Variants in CEMIP observed in about 807,000 individuals in gnomAD.
CEMIP encodes cell migration-inducing and hyaluronan-binding protein.
CEMIP carries 105 observed loss-of-function variants against 156.9 expected under a neutral mutation model. The observed-to-expected ratio is 0.67, with a 90% CI of 0.57 to 0.79. The LOEUF (loss-of-function observed/expected upper bound fraction) is 0.79, where lower values mean the gene tolerates loss of function less well. Among genes scored for constraint, CEMIP ranks in the 30% least tolerant of loss-of-function variants. CEMIP has a pLI of 0.00. For missense variants in CEMIP, 1,457 were observed against 1,769.4 expected, an observed-to-expected ratio of 0.82 and a Z score of 3.17; for synonymous variants, 676 against 668.4, an observed-to-expected ratio of 1.01 and a Z score of -0.17.
chr15:80,825,648 G>A (rs1897018895), intron 1 of CEMIP, among the ~76,000 whole-genome samples: 1 of 152,182 alleles, frequency 6.6e-6, no homozygotes, highest in Non-Finnish European at 1.5e-5. Flanking sequence ...AGCATTGGGA[G>A]GAGAACAAAA....
At chr15:80,903,875 C>T (rs1160234801) in intron 12 of CEMIP, among the ~76,000 whole-genome samples, 3 of 152,166 alleles carry the variant, frequency 2.0e-5, no homozygotes, top group Admixed American at 1.3e-4. Context: ...AGATGAGTCA[C>T]GGATGGAAGG....
intron 3 of CEMIP, among the ~76,000 whole-genome samples, chr15:80,876,593 G>T (rs768167369): frequency 6.6e-6 from 1 of 152,240 alleles, no homozygotes; most frequent in African/African-American, 2.4e-5. Context: ...CTAGAGGAGG[G>T]TTGTTATGGG....
chr15:80,826,582 T>G (rs571521907), intron 1 of CEMIP, among the ~76,000 whole-genome samples: 1 of 152,186 alleles, frequency 6.6e-6, no homozygotes, highest in Non-Finnish European at 1.5e-5. Context: ...AGCTATAGTC[T>G]CTTGGCTTTT....
intron 1 of CEMIP, among the ~76,000 whole-genome samples, chr15:80,860,522 C>T (rs113931654): frequency 5.3e-5 from 8 of 152,296 alleles, no homozygotes; most frequent in African/African-American, 1.7e-4. Flanking sequence ...ATGCTTGCTG[C>T]GGACTTTATT....
At chr15:80,948,430 G>A (rs1901659548) in intron 29 of CEMIP, 1 of 353,580 alleles carries the variant, frequency 2.8e-6, no homozygotes, top group African/African-American at 2.1e-5. Context: ...GGAACACTGG[G>A]CTTCAGAGAG....
chr15:80,833,746 G>A (rs1374835832), intron 1 of CEMIP, among the ~76,000 whole-genome samples: 1 of 147,014 alleles, frequency 6.8e-6, no homozygotes, highest in Non-Finnish European at 1.5e-5. Flanking sequence ...TCTGTTCACT[G>A]CAATCTCTGC....
chr15:80,802,993 C>T (rs1896417042), intron 1 of CEMIP, among the ~76,000 whole-genome samples: 1 of 152,172 alleles, frequency 6.6e-6, no homozygotes, highest in South Asian at 2.1e-4. Flanking sequence ...AAATATATTT[C>T]TCACAGTTCT....
At chr15:80,889,339 C>T in intron 9 of CEMIP, 132 bp from the exon 10 acceptor site, 1 of 1,265,330 alleles carries the variant, frequency 7.9e-7, no homozygotes, top group East Asian at 2.3e-5. Context: ...CCATCCATGC[C>T]CCAGCCTGGT....
intron 1 of CEMIP, among the ~76,000 whole-genome samples, chr15:80,828,400 C>G (rs569481375): frequency 1.3e-5 from 2 of 151,856 alleles, no homozygotes; most frequent in Admixed American, 1.3e-4. Context: ...AAAAAAATGC[C>G]GAATGCCACG....
intron 4 of CEMIP, among the ~76,000 whole-genome samples, chr15:80,879,267 C>G (rs1478003708): frequency 1.3e-5 from 2 of 152,202 alleles, no homozygotes; most frequent in African/African-American, 2.4e-5. Context: ...GTGAATTCAA[C>G]CAATTCGAGG....
intron 1 of CEMIP, among the ~76,000 whole-genome samples, chr15:80,822,808 A>G (rs751339886): frequency 7.2e-5 from 11 of 152,104 alleles, no homozygotes; most frequent in Non-Finnish European, 1.0e-4. Flanking sequence ...CCTCTCCCCA[A>G]CGTGGTGCCA....
chr15:80,838,970 A>AG (rs1228287824), intron 1 of CEMIP, among the ~76,000 whole-genome samples: 1 of 152,148 alleles, frequency 6.6e-6, no homozygotes, highest in East Asian at 1.9e-4. Flanking sequence ...CTGAGGTATT[A>AG]GGGGGTTTAA....
chr15:80,841,936 G>T, intron 1 of CEMIP: 1 of 264,910 alleles, frequency 3.8e-6, no homozygotes. Flanking sequence ...AATTCCTGGC[G>T]GGGATTACAT....
intron 1 of CEMIP, among the ~76,000 whole-genome samples, chr15:80,851,122 G>T (rs1897706240): frequency 6.6e-6 from 1 of 152,100 alleles, no homozygotes; most frequent in Non-Finnish European, 1.5e-5. Context: ...CCAGGGTGGT[G>T]CTAGCCCTCA....
At chr15:80,888,109 T>C (rs1478445247) in intron 8 of CEMIP, among the ~76,000 whole-genome samples, 1 of 152,070 alleles carries the variant, frequency 6.6e-6, no homozygotes, top group East Asian at 1.9e-4. Context: ...ACGCTTGTAA[T>C]CCCAGCATTT....
At chr15:80,945,913 C>CCAAGT (rs1190805676) in intron 28 of CEMIP, among the ~76,000 whole-genome samples, 2 of 152,200 alleles carry the variant, frequency 1.3e-5, no homozygotes, top group Non-Finnish European at 2.9e-5. Flanking sequence ...CTCCTTATTC[C>CCAAGT]CAAGTCGAAC....
intron 6 of CEMIP, 35 bp from the exon 7 acceptor site, chr15:80,884,140 A>G: frequency 6.2e-7 from 1 of 1,611,628 alleles, no homozygotes; most frequent in East Asian, 2.2e-5. Flanking sequence ...GCTGCGGTCA[A>G]GACTATTCAG....
At chr15:80,798,117 G>A (rs1896278797) in intron 1 of CEMIP, among the ~76,000 whole-genome samples, 1 of 152,078 alleles carries the variant, frequency 6.6e-6, no homozygotes, top group Admixed American at 6.6e-5. Flanking sequence ...ATATAACCGT[G>A]TATTTCCTTA....
At chr15:80,840,141 C>T (rs564700488) in intron 1 of CEMIP, among the ~76,000 whole-genome samples, 7 of 152,132 alleles carry the variant, frequency 4.6e-5, no homozygotes, top group Non-Finnish European at 1.0e-4. Context: ...AAGGTGCTTC[C>T]TAGGGGCTCG....
Sources: allele counts gnomAD v4.1 joint callset (sites outside exome capture counted in the v4.1 genomes callset), GRCh38; gene constraint gnomAD v4.1.1; transcripts MANE v1.5; gene names NCBI Gene and HGNC (gene_info 2026-07-23, HGNC 2026-07-21).